The following CIMIP4 variants were observed in gnomAD, a reference collection of about 807,000 sequenced individuals.
CIMIP4 encodes the protein ciliary microtubule inner protein 4.
At chr22:36,999,328 A>C in the CIMIP4 span, among the ~76,000 whole-genome samples, 3 of 148,554 alleles carry the variant, frequency 2.0e-5, no homozygotes, top group Non-Finnish European at 3.0e-5. Flanking sequence ...GAAAAGAAAA[A>C]AATTAGCCAG....
chr22:37,005,120 CA>C, the CIMIP4 span, among the ~76,000 whole-genome samples: 1 of 152,098 alleles, frequency 6.6e-6, no homozygotes, highest in African/African-American at 2.4e-5. Context: ...GACTTCTGGC[CA>C]AAAGCTCATA....
the CIMIP4 span, among the ~76,000 whole-genome samples, chr22:36,999,638 T>C: frequency 7.0e-6 from 1 of 142,642 alleles, no homozygotes; most frequent in Non-Finnish European, 1.5e-5. Flanking sequence ...GGATGAATCA[T>C]CCACACATCA....
the CIMIP4 span, chr22:36,999,814 G>A: frequency 6.2e-7 from 1 of 1,603,112 alleles, no homozygotes; most frequent in African/African-American, 1.3e-5. Flanking sequence ...GGTGTTCACG[G>A]CCCCACCCTT....
chr22:37,002,031 G>A, the CIMIP4 span: 110 of 1,611,544 alleles, frequency 6.8e-5, no homozygotes, highest in Non-Finnish European at 8.7e-5. Flanking sequence ...GAGGAGGATC[G>A]AGAGCCCGCA....
At chr22:36,993,433 GA>G in the CIMIP4 span, among the ~76,000 whole-genome samples, 2 of 151,754 alleles carry the variant, frequency 1.3e-5, no homozygotes, top group Non-Finnish European at 2.9e-5. Context: ...AAGAGGAGTA[GA>G]AAAGAACAAA....
the CIMIP4 span, among the ~76,000 whole-genome samples, chr22:36,994,776 G>A: frequency 1.3e-5 from 2 of 151,720 alleles, no homozygotes; most frequent in Non-Finnish European, 2.9e-5. Context: ...GACTACAGGC[G>A]CCCGCCACCG....
chr22:37,002,316 AAG>A, the CIMIP4 span: 15 of 1,319,120 alleles, frequency 1.1e-5, no homozygotes, highest in East Asian at 3.6e-4. Context: ...GAGCAGGACA[AAG>A]AGAAACAGAG....
the CIMIP4 span, chr22:37,002,449 G>A: frequency 3.5e-5 from 18 of 518,410 alleles, no homozygotes; most frequent in Non-Finnish European, 4.8e-5. Flanking sequence ...CCAGAGAAGG[G>A]GAGAGGGACG....
the CIMIP4 span, chr22:37,002,025 A>G: frequency 1.2e-6 from 2 of 1,612,016 alleles, no homozygotes; most frequent in Non-Finnish European, 1.7e-6. Context: ...TCTCTCGAGG[A>G]GGATCGAGAG....
the CIMIP4 span, among the ~76,000 whole-genome samples, chr22:36,995,796 A>C: frequency 6.6e-6 from 1 of 152,176 alleles, no homozygotes; most frequent in African/African-American, 2.4e-5. Flanking sequence ...AGGCCTCCCC[A>C]GCTACATGGA....
At chr22:36,996,507 C>A in the CIMIP4 span, among the ~76,000 whole-genome samples, 1 of 150,450 alleles carries the variant, frequency 6.6e-6, no homozygotes, top group African/African-American at 2.4e-5. Context: ...AAAAAAAAAT[C>A]ACAAAATGTT....
chr22:36,994,866 A>G, the CIMIP4 span, among the ~76,000 whole-genome samples: 6 of 151,858 alleles, frequency 4.0e-5, no homozygotes, highest in East Asian at 1.2e-3. Flanking sequence ...TCCTGACCTC[A>G]TGATCCACCC....
At chr22:37,007,006 TC>T in the CIMIP4 span, among the ~76,000 whole-genome samples, 1 of 152,070 alleles carries the variant, frequency 6.6e-6, no homozygotes, top group Non-Finnish European at 1.5e-5. Context: ...TGCCAACAGC[TC>T]CAGAGTAGCT....
the CIMIP4 span, chr22:37,003,898 G>C: frequency 4.7e-6 from 7 of 1,480,904 alleles, no homozygotes; most frequent in South Asian, 6.5e-5. Context: ...CCGGTGCCCT[G>C]CTGCCCCAGG....
chr22:37,006,144 AC>A, the CIMIP4 span, among the ~76,000 whole-genome samples: 3 of 152,206 alleles, frequency 2.0e-5, no homozygotes, highest in Admixed American at 6.5e-5. Flanking sequence ...AATGGAGTGA[AC>A]CCCTGTAAGT....
chr22:36,997,561 C>T, the CIMIP4 span, among the ~76,000 whole-genome samples: 7 of 152,210 alleles, frequency 4.6e-5, no homozygotes, highest in African/African-American at 1.2e-4. Context: ...CGCAGGTGCA[C>T]TAGCCCAGCT....
At chr22:36,991,204 C>T in the CIMIP4 span, 30 of 1,614,050 alleles carry the variant, frequency 1.9e-5, no homozygotes, top group African/African-American at 2.7e-5. Flanking sequence ...CTTGGATTTG[C>T]TGTTTTCTCC....
chr22:36,995,658 T>C, the CIMIP4 span, among the ~76,000 whole-genome samples: 1 of 152,276 alleles, frequency 6.6e-6, no homozygotes, highest in South Asian at 2.1e-4. Context: ...CCCCATGCTG[T>C]TTCCATGGTA....
Sources: allele counts gnomAD v4.1 joint callset (sites outside exome capture counted in the v4.1 genomes callset), GRCh38; gene constraint gnomAD v4.1.1; transcripts MANE v1.5; gene names NCBI Gene and HGNC (gene_info 2026-07-23, HGNC 2026-07-21).